RBPMS: variants seen among roughly 807,000 people sequenced by gnomAD.
RBPMS encodes the protein RNA-binding protein with multiple splicing.
Under a neutral mutation model 26.8 loss-of-function variants are expected in RBPMS, and 7 were observed. The observed-to-expected ratio is 0.26, with a 90% CI of 0.15 to 0.49. RBPMS has a LOEUF of 0.49. Ranked by LOEUF, RBPMS falls within the 20% of genes least tolerant of loss-of-function variation. RBPMS has a pLI of 0.98. For synonymous variants in RBPMS, 96 were observed against 93.3 expected (o/e 1.03, Z -0.17); for missense variants, 186 against 250.0 (o/e 0.74, Z 1.73).
intron 5 of RBPMS, among the ~76,000 whole-genome samples, chr8:30,530,752 AC>A (rs1306658448): frequency 3.9e-5 from 6 of 152,062 alleles, no homozygotes. Flanking sequence ...GTGAGCCACC[AC>A]GCCTGGCCAT....
At chr8:30,530,884 A>G (rs1045014270) in intron 5 of RBPMS, among the ~76,000 whole-genome samples, 1 of 152,168 alleles carries the variant, frequency 6.6e-6, no homozygotes, top group African/African-American at 2.4e-5. Flanking sequence ...CCGAGGTCAC[A>G]TAGATGGTAA....
At chr8:30,421,575 T>C (rs1171985980) in intron 1 of RBPMS, among the ~76,000 whole-genome samples, 1 of 152,216 alleles carries the variant, frequency 6.6e-6, no homozygotes, top group East Asian at 1.9e-4. Flanking sequence ...TTACAAATTT[T>C]CTAGGTACCT....
At chr8:30,550,324 C>G (rs988733619) in intron 6 of RBPMS, among the ~76,000 whole-genome samples, 3 of 152,192 alleles carry the variant, frequency 2.0e-5, no homozygotes, top group African/African-American at 4.8e-5. Context: ...CTCAATTGAG[C>G]AAGTTTCTTA....
chr8:30,501,308 G>A (rs1237405340), intron 4 of RBPMS, among the ~76,000 whole-genome samples: 2 of 140,668 alleles, frequency 1.4e-5, no homozygotes, highest in Non-Finnish European at 3.0e-5. Context: ...CTGTTACAGA[G>A]AAATTTGCTG....
At chr8:30,561,096 A>T (rs1452587089) in intron 7 of RBPMS, among the ~76,000 whole-genome samples, 1 of 152,204 alleles carries the variant, frequency 6.6e-6, no homozygotes, top group Non-Finnish European at 1.5e-5. Flanking sequence ...TTAACAATTC[A>T]TGATAGATAA....
rs753320233 is a variant in RBPMS, at chr8:30,549,596, CTAGGAG to C, written c.528+4973_528+4978del. On this transcript the variant is annotated intron_variant, in intron 6 of 8. Coordinates refer to ENST00000397323, the MANE Select transcript of RBPMS (RefSeq NM_001008710.3). Reference sequence around the variant, plus strand: ...CTGGTTTCCTGTTTGGTGAGGCTTTCTAGGAGCACCTGGCTTAGCTCTCACAGGAGG... The same window carrying C: ...CTGGTTTCCTGTTTGGTGAGGCTTTCCACCTGGCTTAGCTCTCACAGGAGG... The C allele has an allele frequency of 1.9e-6, 3 of 1,604,970 alleles. No homozygotes were observed. The East Asian group carries it at 6.7e-5, about 36-fold the overall frequency.
chr8:30,415,935 G>T (rs1428529976), intron 1 of RBPMS, among the ~76,000 whole-genome samples: 8 of 152,174 alleles, frequency 5.3e-5, no homozygotes, highest in African/African-American at 1.4e-4. Flanking sequence ...TAAAATTACT[G>T]TGTATGGGGC....
At chr8:30,558,613 GGAT>G (rs1419377177) in intron 6 of RBPMS, 1 of 549,280 alleles carries the variant, frequency 1.8e-6, no homozygotes, top group Non-Finnish European at 3.3e-6. Flanking sequence ...TTTAAAAGGA[GGAT>G]GAGAGCAGAG....
intron 1 of RBPMS, among the ~76,000 whole-genome samples, chr8:30,422,082 GTTGT>G (rs1049990108): frequency 1.3e-5 from 2 of 151,538 alleles, no homozygotes; most frequent in Non-Finnish European, 2.9e-5. Context: ...ATAATCTACT[GTTGT>G]TTTTCTTTTT....
At chr8:30,414,328 C>G (rs552135276) in intron 1 of RBPMS, among the ~76,000 whole-genome samples, 3 of 152,290 alleles carry the variant, frequency 2.0e-5, no homozygotes, top group East Asian at 3.9e-4. Context: ...TATAGGCAAT[C>G]TCTTGTTTAT....
chr8:30,529,362 ACT>A (rs1287254543), intron 5 of RBPMS, among the ~76,000 whole-genome samples: 3 of 151,330 alleles, frequency 2.0e-5, no homozygotes, highest in Non-Finnish European at 4.4e-5. Context: ...CACCTTAAAA[ACT>A]CTAACTGCAT....
At chr8:30,457,124 G>T (rs1815309508) in intron 1 of RBPMS, among the ~76,000 whole-genome samples, 1 of 152,174 alleles carries the variant, frequency 6.6e-6, no homozygotes, top group African/African-American at 2.4e-5. Flanking sequence ...TGACAGGCTG[G>T]GTCATGTCTG....
At chr8:30,481,944 ACTT>A (rs1376978105) in intron 4 of RBPMS, among the ~76,000 whole-genome samples, 6 of 152,312 alleles carry the variant, frequency 3.9e-5, no homozygotes, top group African/African-American at 1.4e-4. Flanking sequence ...CTAAAAGTAA[ACTT>A]CTTGCATCTA....
intron 8 of RBPMS, among the ~76,000 whole-genome samples, chr8:30,570,092 C>CCCGTACGCTATGTTT (rs1828164793): frequency 6.6e-6 from 1 of 152,180 alleles, no homozygotes; most frequent in Non-Finnish European, 1.5e-5. Context: ...ACAAGCTCAT[C>CCCGTACGCTATGTTT]CCGTACGCTA....
chr8:30,529,237 G>A (rs1823934447), intron 5 of RBPMS, among the ~76,000 whole-genome samples: 1 of 151,988 alleles, frequency 6.6e-6, no homozygotes, highest in East Asian at 1.9e-4. Context: ...AAAAATTGTG[G>A]TAAAATATAT....
intron 1 of RBPMS, among the ~76,000 whole-genome samples, chr8:30,454,970 C>G (rs1815031325): frequency 1.3e-5 from 2 of 152,112 alleles, no homozygotes; most frequent in African/African-American, 4.8e-5. Flanking sequence ...TTACAGGCAC[C>G]CGCCATCACA....
At chr8:30,514,864 A>G (rs1474466892) in intron 5 of RBPMS, among the ~76,000 whole-genome samples, 1 of 151,934 alleles carries the variant, frequency 6.6e-6, no homozygotes, top group Non-Finnish European at 1.5e-5. Context: ...GAAATGGGTC[A>G]ACATTTAGAA....
At chr8:30,558,478 C>T (rs1827162996) in intron 6 of RBPMS, 1 of 303,176 alleles carries the variant, frequency 3.3e-6, no homozygotes, top group Non-Finnish European at 6.4e-6. Context: ...TGAACTGCCC[C>T]TTCCTTACCA....
At chr8:30,555,148 T>C (rs976115805) in intron 6 of RBPMS, among the ~76,000 whole-genome samples, 39 of 152,216 alleles carry the variant, frequency 2.6e-4, no homozygotes, top group Admixed American at 8.5e-4. Context: ...ATTTGATTTT[T>C]ACTCTGAGTT....
Sources: gnomAD v4.1 joint callset for allele counts (sites outside exome capture counted in the v4.1 genomes callset) on GRCh38, gnomAD v4.1.1 for gene constraint, MANE v1.5 for transcripts, NCBI Gene and HGNC (gene_info 2026-07-23, HGNC 2026-07-21) for gene names.